The following LRFN5 variants were observed in gnomAD, a reference collection of about 807,000 sequenced individuals.
LRFN5 encodes the protein leucine rich repeat and fibronectin type III domain containing 5, also known as leucine-rich repeat and fibronectin type-III domain-containing protein 5.
In LRFN5, 24 loss-of-function variants were observed where a neutral mutation model predicts 45.6. The ratio of observed to expected loss-of-function variants is 0.53; its 90% CI spans 0.38 to 0.74. The LOEUF (loss-of-function observed/expected upper bound fraction) is 0.74. Among genes scored for constraint, LRFN5 ranks in the 30% least tolerant of loss-of-function variants. The pLI, the probability that LRFN5 is intolerant of heterozygous loss-of-function variation, is 0.00. For synonymous variants in LRFN5, 340 were observed against 313.8 expected (o/e 1.08, Z -0.88); for missense variants, 776 against 861.5 (o/e 0.90, Z 1.24).
chr14:41,757,144 G>A (rs1355906379), intron 1 of LRFN5, among the ~76,000 whole-genome samples: 6 of 152,186 alleles, frequency 3.9e-5, no homozygotes, highest in Admixed American at 6.5e-5. Flanking sequence ...GTACCCGGCC[G>A]TGTGAGGTGT....
intron 2 of LRFN5, among the ~76,000 whole-genome samples, chr14:41,803,938 A>G (rs1257769543): frequency 6.6e-6 from 1 of 152,152 alleles, no homozygotes; most frequent in Non-Finnish European, 1.5e-5. Flanking sequence ...ATCTAGGCTC[A>G]CTGCAACCTC....
intron 2 of LRFN5, among the ~76,000 whole-genome samples, chr14:41,822,853 G>GT (rs3032270): frequency 0.14 from 18,708 of 135,944 alleles, 1,390 homozygotes; most frequent in East Asian, 0.21. Context: ...ATTTAGGGTT[G>GT]TTTTTTTTTT....
At chr14:41,841,368 G>T (rs534804017) in intron 2 of LRFN5, among the ~76,000 whole-genome samples, 1 of 151,976 alleles carries the variant, frequency 6.6e-6, no homozygotes, top group African/African-American at 2.4e-5. Context: ...GGGCTGTAGA[G>T]ATAAATTGCC....
chr14:41,693,368 T>G (rs1325603257), intron 1 of LRFN5, among the ~76,000 whole-genome samples: 1 of 152,030 alleles, frequency 6.6e-6, no homozygotes, highest in Non-Finnish European at 1.5e-5. Flanking sequence ...CAATATAGAG[T>G]CTTCCATTTG....
At chr14:41,902,117 A>G (rs1415624685) in intron 5 of LRFN5, among the ~76,000 whole-genome samples, 1 of 151,828 alleles carries the variant, frequency 6.6e-6, no homozygotes, top group African/African-American at 2.4e-5. Flanking sequence ...TTTTCCCACA[A>G]TTCATTTAAT....
intron 2 of LRFN5, among the ~76,000 whole-genome samples, chr14:41,871,459 G>A (rs1890016187): frequency 1.3e-5 from 2 of 151,976 alleles, no homozygotes; most frequent in Non-Finnish European, 1.5e-5. Flanking sequence ...CATGGTGGTG[G>A]GCACCTGTAA....
chr14:41,621,094 TTA>T (rs1402601970), intron 1 of LRFN5, among the ~76,000 whole-genome samples: 1 of 152,104 alleles, frequency 6.6e-6, no homozygotes, highest in Non-Finnish European at 1.5e-5. Context: ...GTATATACTT[TTA>T]GTGATAGCAT....
chr14:41,674,713 C>T (rs1299261524), intron 1 of LRFN5, among the ~76,000 whole-genome samples: 7 of 151,600 alleles, frequency 4.6e-5, no homozygotes, highest in Non-Finnish European at 4.4e-5. Context: ...GACCCCCCTA[C>T]CTCCCTCCCG....
At chr14:41,831,406 A>G (rs79622041) in intron 2 of LRFN5, among the ~76,000 whole-genome samples, 276 of 152,330 alleles carry the variant, frequency 1.8e-3, no homozygotes, top group African/African-American at 6.3e-3. Flanking sequence ...TATACATACC[A>G]TAAATATACA....
intron 2 of LRFN5, among the ~76,000 whole-genome samples, chr14:41,809,547 TAA>T (rs1282600589): frequency 6.6e-6 from 1 of 151,848 alleles, no homozygotes; most frequent in African/African-American, 2.4e-5. Context: ...TTAAAATATA[TAA>T]GTCAAGTAAG....
At chr14:41,653,145 T>C (rs1164823803) in intron 1 of LRFN5, among the ~76,000 whole-genome samples, 2 of 152,190 alleles carry the variant, frequency 1.3e-5, no homozygotes, top group African/African-American at 4.8e-5. Flanking sequence ...TTTATTTTGC[T>C]ACGAAGAAGC....
At chr14:41,724,572 A>G (rs1193067936) in intron 1 of LRFN5, among the ~76,000 whole-genome samples, 1 of 152,188 alleles carries the variant, frequency 6.6e-6, no homozygotes, top group African/African-American at 2.4e-5. Flanking sequence ...ATTAATTAAA[A>G]CTACAAGGCC....
At chr14:41,666,364 A>C (rs1489731085) in intron 1 of LRFN5, among the ~76,000 whole-genome samples, 1 of 152,076 alleles carries the variant, frequency 6.6e-6, no homozygotes, top group Non-Finnish European at 1.5e-5. Flanking sequence ...CCCATTTTTC[A>C]GCAACGGAAA....
chr14:41,825,384 G>A (rs928950804), intron 2 of LRFN5, among the ~76,000 whole-genome samples: 1 of 152,212 alleles, frequency 6.6e-6, no homozygotes, highest in Non-Finnish European at 1.5e-5. Context: ...AGCCCAGAGC[G>A]ATGCTCATGT....
At chr14:41,726,061 A>G (rs944250386) in intron 1 of LRFN5, among the ~76,000 whole-genome samples, 2 of 152,154 alleles carry the variant, frequency 1.3e-5, no homozygotes, top group Non-Finnish European at 2.9e-5. Flanking sequence ...ATAGAGTATC[A>G]AGTACGATTG....
intron 2 of LRFN5, among the ~76,000 whole-genome samples, chr14:41,818,470 T>C (rs1351054332): frequency 6.6e-6 from 1 of 151,900 alleles, no homozygotes; most frequent in African/African-American, 2.4e-5. Context: ...CATTTACATA[T>C]ATATATCATA....
intron 1 of LRFN5, among the ~76,000 whole-genome samples, chr14:41,736,461 A>AT (rs1206074913): frequency 6.6e-6 from 1 of 151,962 alleles, no homozygotes; most frequent in Non-Finnish European, 1.5e-5. Context: ...TTTCTTGTAA[A>AT]TTTGTTTAAG....
chr14:41,773,689 T>C (rs1886173167), intron 2 of LRFN5, among the ~76,000 whole-genome samples: 1 of 152,148 alleles, frequency 6.6e-6, no homozygotes, highest in Non-Finnish European at 1.5e-5. Flanking sequence ...ATAACTACCA[T>C]ATGATAGTGA....
At chr14:41,866,510 G>A (rs574612879) in intron 2 of LRFN5, among the ~76,000 whole-genome samples, 13 of 152,144 alleles carry the variant, frequency 8.5e-5, no homozygotes, top group African/African-American at 2.2e-4. Flanking sequence ...TGGTATATCC[G>A]AACCAAGGAG....
Sources: allele counts gnomAD v4.1 joint callset (sites outside exome capture counted in the v4.1 genomes callset), GRCh38; gene constraint gnomAD v4.1.1; transcripts MANE v1.5; gene names NCBI Gene and HGNC (gene_info 2026-07-23, HGNC 2026-07-21).